The following SCLT1 variants were observed in gnomAD, a reference collection of about 807,000 sequenced individuals.
SCLT1 encodes sodium channel and clathrin linker 1.
In SCLT1, 78 loss-of-function variants were observed where a neutral mutation model predicts 112.8. The observed-to-expected ratio is 0.69, with a 90% CI of 0.58 to 0.83. The LOEUF (loss-of-function observed/expected upper bound fraction) is 0.83. SCLT1 is among the 40% of genes least tolerant of loss of function. SCLT1 has a pLI of 0.00. For synonymous variants in SCLT1, 257 were observed against 254.7 expected, an observed-to-expected ratio of 1.01 and a Z score of -0.09; for missense variants, 747 against 770.4, an observed-to-expected ratio of 0.97 and a Z score of 0.36.
At chr4:128,963,990 A>C (rs1317500122) in intron 11 of SCLT1, among the ~76,000 whole-genome samples, 1 of 152,204 alleles carries the variant, frequency 6.6e-6, no homozygotes, top group Non-Finnish European at 1.5e-5. Flanking sequence ...TCTGGTTAAA[A>C]ATTACTTCTC....
intron 18 of SCLT1, among the ~76,000 whole-genome samples, chr4:128,903,536 C>A (rs780126865): frequency 2.6e-5 from 4 of 151,992 alleles, no homozygotes; most frequent in Non-Finnish European, 5.9e-5. Context: ...ATCAGAAAAA[C>A]CATATTTTAG....
chr4:128,924,783 A>G (rs1447202438), intron 18 of SCLT1, among the ~76,000 whole-genome samples: 1 of 152,144 alleles, frequency 6.6e-6, no homozygotes, highest in African/African-American at 2.4e-5. Context: ...AACCTCAATG[A>G]TCCCTACCTT....
At chr4:128,965,921 G>T (rs1376733648) in intron 10 of SCLT1, among the ~76,000 whole-genome samples, 1 of 146,084 alleles carries the variant, frequency 6.8e-6, no homozygotes, top group Non-Finnish European at 1.5e-5. Flanking sequence ...AACCTCTGCT[G>T]CCCAGGTTCA....
chr4:129,002,671 A>C lies in SCLT1; in HGVS notation c.426+1070T>G, dbSNP rs576878426. Among the ~76,000 whole-genome samples the C allele has an allele frequency of 2.6e-5, 4 of 152,308 alleles. No individual in the cohort carries two copies. In the South Asian group the frequency reaches 8.3e-4, roughly 32 times the overall value. ...AAGAAGATATTTATGCAGGCAACAA[A>C]CATATGAAAAAAAGCTCATTATTAC... On this transcript the variant is annotated intron_variant, in intron 6 of 20. Transcript: ENST00000281142.
At chr4:129,021,251 G>A (rs1745445871) in intron 5 of SCLT1, among the ~76,000 whole-genome samples, 1 of 152,150 alleles carries the variant, frequency 6.6e-6, no homozygotes, top group Non-Finnish European at 1.5e-5. Flanking sequence ...ATTCCCCCGT[G>A]TGCCTAAACC....
intron 18 of SCLT1, among the ~76,000 whole-genome samples, chr4:128,919,206 A>G (rs950958248): frequency 6.6e-6 from 1 of 152,116 alleles, no homozygotes; most frequent in African/African-American, 2.4e-5. Context: ...TTAAAAAAAA[A>G]AATCATACTA....
intron 10 of SCLT1, among the ~76,000 whole-genome samples, chr4:128,966,587 T>A (rs1377517720): frequency 6.6e-6 from 1 of 152,206 alleles, no homozygotes; most frequent in Non-Finnish European, 1.5e-5. Flanking sequence ...TATTTCATAT[T>A]TGCCATTTCT....
chr4:129,079,076 A>G (rs1277381368), intron 2 of SCLT1, among the ~76,000 whole-genome samples: 1 of 152,096 alleles, frequency 6.6e-6, no homozygotes, highest in Non-Finnish European at 1.5e-5. Context: ...CCATGATACA[A>G]TCACCTCCCA....
intron 18 of SCLT1, among the ~76,000 whole-genome samples, chr4:128,931,563 C>T (rs969129802): frequency 3.3e-5 from 5 of 152,208 alleles, no homozygotes; most frequent in South Asian, 4.2e-4. Flanking sequence ...CCCGGGTTCA[C>T]GCCATTCTCC....
At chr4:128,903,886 T>G (rs764848314) in intron 18 of SCLT1, among the ~76,000 whole-genome samples, 8 of 152,142 alleles carry the variant, frequency 5.3e-5, no homozygotes, top group Non-Finnish European at 1.2e-4. Context: ...TAATTGAGAG[T>G]TCCCTGTATC....
chr4:128,917,622 A>G lies in SCLT1; in HGVS notation c.1829+19033T>C, dbSNP rs12641523. ...TAAAGAATATATGTTTGGATCTAGT[A>G]AAGGTATACTAAGTTATTCAGATTA... is the stretch of plus-strand genomic sequence containing the variant. On this transcript the variant is annotated intron_variant, in intron 18 of 20. Transcript: ENST00000281142. 4.1e-3 allele frequency among the ~76,000 whole-genome samples: 627 copies of G among 152,326 alleles called. 19 individuals are homozygous for G. In the East Asian group the frequency reaches 0.065, roughly 16 times the overall value.
At chr4:128,900,405 T>C (rs1278918618) in intron 18 of SCLT1, among the ~76,000 whole-genome samples, 12 of 151,940 alleles carry the variant, frequency 7.9e-5, no homozygotes, top group Admixed American at 1.3e-4. Context: ...TTGACAAACC[T>C]GAGAAAAACA....
At chr4:129,026,672 C>T (rs1188489640) in intron 5 of SCLT1, among the ~76,000 whole-genome samples, 3 of 152,228 alleles carry the variant, frequency 2.0e-5, no homozygotes, top group African/African-American at 7.2e-5. Flanking sequence ...CATTCAAAAG[C>T]TAGCAGAAGG....
At chr4:129,086,434 C>T (rs969393864) in intron 1 of SCLT1, among the ~76,000 whole-genome samples, 1 of 151,984 alleles carries the variant, frequency 6.6e-6, no homozygotes, top group Non-Finnish European at 1.5e-5. Flanking sequence ...GTTTTCCTTT[C>T]TTGCAAGTAT....
At chr4:128,896,253 T>C (rs1733747690) in intron 18 of SCLT1, among the ~76,000 whole-genome samples, 1 of 152,224 alleles carries the variant, frequency 6.6e-6, no homozygotes, top group African/African-American at 2.4e-5. Flanking sequence ...AGTGGGTCCC[T>C]GACCCCCAAG....
intron 2 of SCLT1, among the ~76,000 whole-genome samples, chr4:129,055,793 G>A (rs1019337523): frequency 4.6e-5 from 7 of 151,288 alleles, no homozygotes; most frequent in East Asian, 1.9e-4. Context: ...ATTCTGTCTC[G>A]CTGGGGTTCC....
intron 18 of SCLT1, among the ~76,000 whole-genome samples, chr4:128,933,033 G>A (rs1736897821): frequency 6.6e-6 from 1 of 152,132 alleles, no homozygotes; most frequent in African/African-American, 2.4e-5. Context: ...TTCAAAGTGA[G>A]CTACAGATTG....
chr4:128,977,963 T>C (rs1741322315), intron 9 of SCLT1, among the ~76,000 whole-genome samples: 1 of 151,590 alleles, frequency 6.6e-6, no homozygotes, highest in Admixed American at 6.6e-5. Flanking sequence ...GATGGTGGGG[T>C]AGAGGTGATA....
chr4:129,007,060 T>G (rs114979743), intron 5 of SCLT1, among the ~76,000 whole-genome samples: 1,561 of 152,346 alleles, frequency 0.01, 30 homozygotes, highest in African/African-American at 0.036. Flanking sequence ...ATTTTCTAGT[T>G]ACCTTTTTAT....
Sources: gnomAD v4.1 joint callset for allele counts (sites outside exome capture counted in the v4.1 genomes callset) on GRCh38, gnomAD v4.1.1 for gene constraint, MANE v1.5 for transcripts, NCBI Gene and HGNC (gene_info 2026-07-23, HGNC 2026-07-21) for gene names.